Variants in ABCC4 observed in about 807,000 individuals in gnomAD.
ABCC4 encodes ATP-binding cassette sub-family C member 4.
ABCC4 carries 102 observed loss-of-function variants against 168.5 expected under a neutral mutation model. The ratio of observed to expected loss-of-function variants is 0.61; its 90% confidence interval spans 0.52 to 0.71. ABCC4 has a LOEUF of 0.71. Ranked by LOEUF, ABCC4 falls within the 30% of genes least tolerant of loss-of-function variation. The probability of loss-of-function intolerance (pLI) is 0.00; values close to 1 mark genes in which losing one functional copy is unlikely to be tolerated. For synonymous variants in ABCC4, 617 were observed against 590.7 expected (o/e 1.04, Z -0.65); for missense variants, 1,402 against 1,605.8 (o/e 0.87, Z 2.17).
chr13:95,040,627 C>T (rs35262170), intron 29 of ABCC4, among the ~76,000 whole-genome samples: 14,836 of 152,236 alleles, frequency 0.097, 962 homozygotes, highest in Admixed American at 0.17. Context: ...AGTAATTTTT[C>T]CTCTTCTGAA....
At chr13:95,078,325 T>C (rs1033356900) in intron 21 of ABCC4, among the ~76,000 whole-genome samples, 4 of 152,104 alleles carry the variant, frequency 2.6e-5, no homozygotes, top group African/African-American at 9.7e-5. Flanking sequence ...GACGGGAGAA[T>C]TGCTTGAACT....
At chr13:95,298,499 A>T (rs1447091009) in intron 1 of ABCC4, among the ~76,000 whole-genome samples, 1 of 152,144 alleles carries the variant, frequency 6.6e-6, no homozygotes. Context: ...TGGATGCTGG[A>T]GAATCTGCAT....
chr13:95,160,657 C>A (rs1039584736), intron 19 of ABCC4, among the ~76,000 whole-genome samples: 1 of 152,100 alleles, frequency 6.6e-6, no homozygotes, highest in Non-Finnish European at 1.5e-5. Context: ...TTTAATTAAC[C>A]ACATATTATC....
chr13:95,029,205 TATATATATAGAGAGAGAGAGAGAG>T (rs1475134159), intron 30 of ABCC4, among the ~76,000 whole-genome samples: 4 of 53,598 alleles, frequency 7.5e-5, no homozygotes, highest in African/African-American at 2.1e-4. Context: ...TATATATATA[TATATATATAGAGAGAGAGAGAGAG>T]AGAGAGAGAG....
intron 26 of ABCC4, among the ~76,000 whole-genome samples, chr13:95,056,899 A>G (rs1000054411): frequency 6.6e-6 from 1 of 152,246 alleles, no homozygotes; most frequent in Non-Finnish European, 1.5e-5. Flanking sequence ...ATGTATGCCA[A>G]CCGTTAGGGT....
intron 19 of ABCC4, among the ~76,000 whole-genome samples, chr13:95,126,932 C>T (rs996455995): frequency 2.7e-5 from 4 of 147,726 alleles, no homozygotes; most frequent in African/African-American, 1.0e-4. Flanking sequence ...GGAAATTTAA[C>T]CATTGAATTT....
At chr13:95,077,863 A>G (rs1175309648) in intron 21 of ABCC4, among the ~76,000 whole-genome samples, 1 of 152,124 alleles carries the variant, frequency 6.6e-6, no homozygotes, top group African/African-American at 2.4e-5. Flanking sequence ...CTGGGGTACC[A>G]GTGTGCCAAG....
intron 3 of ABCC4, among the ~76,000 whole-genome samples, chr13:95,235,097 C>T (rs1025968016): frequency 1.3e-5 from 2 of 151,878 alleles, no homozygotes; most frequent in African/African-American, 4.8e-5. Flanking sequence ...CACTATGTTG[C>T]CCAGGCTGGT....
At chr13:95,192,021 T>C (rs965811340) in intron 9 of ABCC4, among the ~76,000 whole-genome samples, 2 of 152,218 alleles carry the variant, frequency 1.3e-5, no homozygotes, top group South Asian at 2.1e-4. Context: ...GCAGGCAGAC[T>C]GAGCCCCCAC....
chr13:95,023,481 C>G (rs2031215143), intron 30 of ABCC4, among the ~76,000 whole-genome samples: 1 of 152,168 alleles, frequency 6.6e-6, no homozygotes, highest in African/African-American at 2.4e-5. Flanking sequence ...ATGTTGTAAG[C>G]TATGTCTGGG....
intron 20 of ABCC4, among the ~76,000 whole-genome samples, chr13:95,094,139 A>G (rs2034517245): frequency 6.6e-6 from 1 of 152,074 alleles, no homozygotes; most frequent in Non-Finnish European, 1.5e-5. Flanking sequence ...AATTCCCATC[A>G]AAATACCACC....
intron 1 of ABCC4, among the ~76,000 whole-genome samples, chr13:95,249,463 C>G (rs1040004671): frequency 5.3e-5 from 8 of 152,094 alleles, no homozygotes; most frequent in African/African-American, 1.9e-4. Flanking sequence ...TTTCAATGCC[C>G]CGTAAGATTG....
rs371262636 is a variant in ABCC4 at position 95,067,916 on chromosome 13, G to GA, written c.3210+3745dup. 4.0e-3 allele frequency among the ~76,000 whole-genome samples: 611 copies of GA among 152,200 alleles called. 7 individuals carry two copies. The highest frequency in any genetic ancestry group is 0.014 in the African/African-American group (591 of 41,524). ...AAATCAACCACAAAACCATCTAAAT[G>GA]AAAAATGCAGCCAGTGTTTGGAATC... On this transcript the variant is annotated intron_variant, in intron 25 of 30. Coordinates refer to ENST00000645237, the MANE Select transcript of ABCC4 (RefSeq NM_005845.5).
intron 1 of ABCC4, among the ~76,000 whole-genome samples, chr13:95,255,903 T>C (rs777557302): frequency 1.3e-5 from 2 of 152,140 alleles, no homozygotes; most frequent in Non-Finnish European, 2.9e-5. Context: ...AGCTAATCCA[T>C]GCCTTTCACT....
intron 30 of ABCC4, among the ~76,000 whole-genome samples, chr13:95,033,290 G>A (rs1393058962): frequency 6.6e-6 from 1 of 152,090 alleles, no homozygotes; most frequent in Non-Finnish European, 1.5e-5. Flanking sequence ...AAACAATGAA[G>A]GAAAATTATA....
At chr13:95,209,376 G>A in intron 6 of ABCC4, 58 bp downstream of exon 6, 2 of 1,556,478 alleles carry the variant, frequency 1.3e-6, no homozygotes, top group Non-Finnish European at 1.8e-6. Context: ...AAAGCATTGG[G>A]AAGACTGTGG....
intron 19 of ABCC4, among the ~76,000 whole-genome samples, chr13:95,152,791 C>A (rs1010197860): frequency 1.3e-5 from 2 of 152,026 alleles, no homozygotes; most frequent in Non-Finnish European, 2.9e-5. Context: ...AAAATCAGTT[C>A]TCATATAAAA....
intron 1 of ABCC4, among the ~76,000 whole-genome samples, chr13:95,295,124 C>T (rs2041496428): frequency 1.3e-5 from 2 of 152,082 alleles, no homozygotes; most frequent in Admixed American, 6.6e-5. Context: ...AACGTGGCTC[C>T]CAAATCTCAG....
In ABCC4 at chr13:95,076,755, G is replaced by C. The variant is rs577318431; in HGVS notation, c.2687-1204C>G. Among the ~76,000 whole-genome samples the C allele has an allele frequency of 3.3e-5, 5 of 151,682 alleles. No individual in the cohort carries two copies. In the East Asian group the frequency reaches 9.8e-4, roughly 30 times the overall value. ...GCTGGGATTACAAGTGTGAGCCACC[G>C]CACCTGGCCTGTTGGGTTTTTTAGA... On this transcript the variant is annotated intron_variant, in intron 21 of 30. Coordinates refer to ENST00000645237, the MANE Select transcript of ABCC4 (RefSeq NM_005845.5).
Sources: gnomAD v4.1 joint callset for allele counts (sites outside exome capture counted in the v4.1 genomes callset) on GRCh38, gnomAD v4.1.1 for gene constraint, MANE v1.5 for transcripts, NCBI Gene and HGNC (gene_info 2026-07-23, HGNC 2026-07-21) for gene names.